Variants in SEPTIN2 observed in about 807,000 individuals in gnomAD.
SEPTIN2 encodes the protein septin 2.
In SEPTIN2, 34 loss-of-function variants were observed where a neutral mutation model predicts 46.5. The ratio of observed to expected loss-of-function variants is 0.73; its 90% CI spans 0.56 to 0.97. The LOEUF (loss-of-function observed/expected upper bound fraction) is 0.97. Ranked by LOEUF, SEPTIN2 falls within the 50% of genes least tolerant of loss-of-function variation. The pLI, the probability that SEPTIN2 is intolerant of heterozygous loss-of-function variation, is 0.00. For missense variants in SEPTIN2, 347 were observed against 448.4 expected (o/e 0.77, Z 2.04); for synonymous variants, 175 against 153.4 (o/e 1.14, Z -1.04).
In SEPTIN2 at chr2:241,321,573, G is replaced by GT. The variant is rs1001941458; in HGVS notation, c.-17-2633dup. 4.9e-3 allele frequency among the ~76,000 whole-genome samples: 716 copies of GT among 145,996 alleles called. 8 individuals are homozygous for GT. Among genetic ancestry groups the GT allele is most frequent in the East Asian group, 0.023 (116 of 5,020 alleles). On this transcript the variant is annotated intron_variant, in intron 1 of 12. Coordinates refer to ENST00000391971, the MANE Select transcript of SEPTIN2 (RefSeq NM_004404.5). The stretch of plus-strand genomic sequence containing the variant: ...TATAGCTGGACGGTTTGTTGTTTTT[G>GT]TTTTTTTTTTCCCTTGGTTTTTCAG...
chr2:241,316,615 A>T, intron 1 of SEPTIN2: 1 of 1,268,532 alleles, frequency 7.9e-7, no homozygotes, highest in Non-Finnish European at 1.1e-6. Context: ...TGGCCCGGGG[A>T]TGAGGAGCAA....
chr2:241,341,086 T>C (rs1234456645), intron 7 of SEPTIN2, among the ~76,000 whole-genome samples: 1 of 152,224 alleles, frequency 6.6e-6, no homozygotes, highest in Non-Finnish European at 1.5e-5. Context: ...GCTGAACCAC[T>C]GTGTTTGCTT....
intron 7 of SEPTIN2, among the ~76,000 whole-genome samples, chr2:241,339,693 C>T (rs1470903841): frequency 1.3e-5 from 2 of 152,092 alleles, no homozygotes; most frequent in Non-Finnish European, 2.9e-5. Flanking sequence ...TGTTTCTTTG[C>T]CCCTTGCTCG....
rs2076366822 is a variant in SEPTIN2 at position 241,316,784 on chromosome 2, C to T, written c.-18+802C>T. ...AAACACACGAACCAACTACACTGAA[C>T]TTCTTGTAGTTCAAACTTCTGCACC... On this transcript the variant is annotated intron_variant, in intron 1 of 12. Coordinates refer to ENST00000391971, the MANE Select transcript of SEPTIN2 (RefSeq NM_004404.5). 1.0e-5 allele frequency: 4 copies of T among 395,012 alleles called. No individual in the cohort carries two copies. The Admixed American group carries it at 1.8e-4, about 18-fold the overall frequency. 24.5% of individuals were successfully genotyped at this position (395,012 alleles called of 1,614,324 possible).
intron 8 of SEPTIN2, 99 bp downstream of exon 8, chr2:241,343,192 T>A (rs2081486785): frequency 1.4e-6 from 1 of 733,530 alleles, no homozygotes; most frequent in Non-Finnish European, 2.4e-6. Context: ...GTTACGAGAG[T>A]ATTTTTGCTT....
At chr2:241,322,009 T>TA (rs747044330) in intron 1 of SEPTIN2, among the ~76,000 whole-genome samples, 31 of 152,292 alleles carry the variant, frequency 2.0e-4, no homozygotes, top group East Asian at 1.5e-3. Flanking sequence ...TCTTGAACCT[T>TA]ACTGCTACTA....
At chr2:241,344,654 G>A (rs997327719) in intron 9 of SEPTIN2, among the ~76,000 whole-genome samples, 19 of 152,212 alleles carry the variant, frequency 1.2e-4, no homozygotes, top group African/African-American at 4.1e-4. Context: ...AGTGAGCCAA[G>A]ATTGCACCAC....
chr2:241,338,656 ATAT>A (rs549651050), intron 7 of SEPTIN2, among the ~76,000 whole-genome samples: 28 of 128,496 alleles, frequency 2.2e-4, no homozygotes, highest in Middle Eastern at 3.9e-3. Flanking sequence ...TATTACATAT[ATAT>A]TATATCTATA....
rs2081607676 is a variant in SEPTIN2, at chr2:241,343,891, T to C, written c.836T>C (p.Met279Thr). The C allele has an allele frequency of 1.2e-6, 2 of 1,614,164 alleles. No individual in the cohort carries two copies. Among genetic ancestry groups the C allele is most frequent in the Non-Finnish European group, 1.7e-6 (2 of 1,179,998 alleles). ...EHNDFLKLRT[M>T]LITHMQDLQE... is the part of the protein sequence containing the mutation. ...AATGACTTTCTGAAGCTGAGAACCA[T>C]GCTCATGTAAGACATTTGGTGTGTT... Residue 279 changes from methionine to threonine, a missense_variant, in exon 9 of 13, where the codon ATG becomes ACG. Coordinates refer to ENST00000391971, the MANE Select transcript of SEPTIN2 (RefSeq NM_004404.5).
intron 2 of SEPTIN2, among the ~76,000 whole-genome samples, chr2:241,325,532 T>C: frequency 6.6e-6 from 1 of 152,172 alleles, no homozygotes; most frequent in East Asian, 1.9e-4. Flanking sequence ...TTTTCAGAAA[T>C]GCATTGCACC....
In SEPTIN2 at chr2:241,338,363, C is replaced by T. The variant is rs371064129; in HGVS notation, c.594+573C>T. 2.6e-5 allele frequency among the ~76,000 whole-genome samples: 4 copies of T among 151,910 alleles called. No homozygotes were observed. In the South Asian group the frequency reaches 6.2e-4, roughly 24 times the overall value. ...CTGATTATATGCTCCTTAAGAAAGT[C>T]CAAATAGTTTATATATGCTAAACTC... is the stretch of plus-strand genomic sequence containing the variant. On this transcript the variant is annotated intron_variant, in intron 7 of 12. Coordinates refer to ENST00000391971, the MANE Select transcript of SEPTIN2 (RefSeq NM_004404.5).
At chr2:241,318,318 A>G (rs1444133322) in intron 1 of SEPTIN2, 1 of 152,180 alleles carries the variant, frequency 6.6e-6, no homozygotes, top group Admixed American at 6.5e-5. Flanking sequence ...GTGGGTTTGA[A>G]ATCAGATACA....
chr2:241,325,519 T>C (rs919646471), intron 2 of SEPTIN2, among the ~76,000 whole-genome samples: 4 of 152,202 alleles, frequency 2.6e-5, no homozygotes, highest in Admixed American at 2.6e-4. Flanking sequence ...TTTTCCTCGA[T>C]ACTTTTCAGA....
intron 7 of SEPTIN2, among the ~76,000 whole-genome samples, chr2:241,340,294 G>A (rs2081083209): frequency 6.6e-6 from 1 of 152,168 alleles, no homozygotes; most frequent in South Asian, 2.1e-4. Flanking sequence ...CTCTCAGGTT[G>A]CAGGGACTTG....
At chr2:241,331,804 C>T (rs2079054124) in intron 3 of SEPTIN2, among the ~76,000 whole-genome samples, 1 of 152,216 alleles carries the variant, frequency 6.6e-6, no homozygotes, top group Non-Finnish European at 1.5e-5. Context: ...TGGAGGATTA[C>T]AGTCCCTGAT....
intron 1 of SEPTIN2, chr2:241,320,217 TA>T: frequency 2.1e-6 from 1 of 471,216 alleles, no homozygotes; most frequent in South Asian, 1.5e-5. Context: ...TTGGAATAGT[TA>T]AATGACTTTG....
intron 3 of SEPTIN2, among the ~76,000 whole-genome samples, chr2:241,330,233 A>G (rs372001655): frequency 2.3e-4 from 35 of 152,240 alleles, no homozygotes; most frequent in African/African-American, 7.7e-4. Flanking sequence ...CATGCCATAC[A>G]GCATGATGAA....
chr2:241,344,568 G>A (rs1161492777), intron 9 of SEPTIN2, among the ~76,000 whole-genome samples: 1 of 151,962 alleles, frequency 6.6e-6, no homozygotes, highest in Non-Finnish European at 1.5e-5. Context: ...CAAGCGTGGT[G>A]GTGCGCACCT....
chr2:241,330,098 A>T (rs972714610), intron 3 of SEPTIN2, among the ~76,000 whole-genome samples: 1 of 152,210 alleles, frequency 6.6e-6, no homozygotes, highest in Non-Finnish European at 1.5e-5. Context: ...TCTACTTTTT[A>T]CATATACACG....
Sources: allele counts gnomAD v4.1 joint callset (sites outside exome capture counted in the v4.1 genomes callset), GRCh38; gene constraint gnomAD v4.1.1; transcripts MANE v1.5; gene names NCBI Gene and HGNC (gene_info 2026-07-23, HGNC 2026-07-21).